Variants in SYNE1 observed in about 807,000 individuals in gnomAD.
SYNE1 encodes nesprin-1.
SYNE1 carries 616 observed loss-of-function variants against 1,111.0 expected under a neutral mutation model. That is an observed-to-expected ratio of 0.55 (90% confidence interval 0.52 to 0.59). The LOEUF (loss-of-function observed/expected upper bound fraction) is 0.59, where lower values mean the gene tolerates loss of function less well. Ranked by LOEUF, SYNE1 falls within the 20% of genes least tolerant of loss-of-function variation. The probability of loss-of-function intolerance (pLI) is 0.00; values close to 1 mark genes in which losing one functional copy is unlikely to be tolerated. For missense variants in SYNE1, 10,006 were observed against 10,417.0 expected (o/e 0.96, Z 1.72); for synonymous variants, 3,855 against 3,825.8 (o/e 1.01, Z -0.28).
chr6:152,636,562 G>A (rs1349458103), intron 2 of SYNE1, 76 bp downstream of exon 2: 1 of 153,016 alleles, frequency 6.5e-6, no homozygotes, highest in Non-Finnish European at 1.5e-5. Flanking sequence ...TGTCTGCAAT[G>A]TGTTCGTCTT....
intron 145 of SYNE1, chr6:152,129,071 C>T (rs1323799525): frequency 6.6e-6 from 1 of 152,274 alleles, no homozygotes; most frequent in Non-Finnish European, 1.5e-5. Context: ...TGAAAGGCGC[C>T]TTGCGAGTGT....
At chr6:152,165,902 T>C (rs2063552893) in intron 130 of SYNE1, among the ~76,000 whole-genome samples, 1 of 152,248 alleles carries the variant, frequency 6.6e-6, no homozygotes, top group African/African-American at 2.4e-5. Context: ...CATGGAATTT[T>C]ACATGGCTCT....
chr6:152,131,365 T>C (rs2055593169), intron 144 of SYNE1, among the ~76,000 whole-genome samples: 1 of 151,030 alleles, frequency 6.6e-6, no homozygotes, highest in African/African-American at 2.4e-5. Flanking sequence ...AGATAATACA[T>C]TTATCAGCAT....
At chr6:152,372,283 A>G (rs757211008) in intron 59 of SYNE1, among the ~76,000 whole-genome samples, 11 of 152,198 alleles carry the variant, frequency 7.2e-5, no homozygotes, top group Non-Finnish European at 1.5e-4. Flanking sequence ...AACAGAGATC[A>G]ATGGTCTTGG....
intron 3 of SYNE1, among the ~76,000 whole-genome samples, chr6:152,607,482 C>T (rs1025134274): frequency 2.6e-5 from 4 of 151,808 alleles, no homozygotes; most frequent in Non-Finnish European, 5.9e-5. Flanking sequence ...AAATCAAAAA[C>T]ACAATGAGAT....
At chr6:152,279,716 C>CA (rs71017531) in intron 97 of SYNE1, among the ~76,000 whole-genome samples, 11,135 of 62,448 alleles carry the variant, frequency 0.18, 768 homozygotes, top group African/African-American at 0.25. Flanking sequence ...GACCTTGTCT[C>CA]AAAAAAAAAA....
At chr6:152,569,685 C>G (rs893835046) in intron 3 of SYNE1, among the ~76,000 whole-genome samples, 17 of 152,058 alleles carry the variant, frequency 1.1e-4, no homozygotes, top group Non-Finnish European at 2.2e-4. Flanking sequence ...CAAGCTGCAT[C>G]CAAAATACTC....
At chr6:152,140,958 C>T (rs1280297288) in intron 139 of SYNE1, among the ~76,000 whole-genome samples, 4 of 152,134 alleles carry the variant, frequency 2.6e-5, no homozygotes, top group Admixed American at 6.5e-5. Context: ...TGCCATGAAC[C>T]TGGGAGGCGG....
At chr6:152,169,786 C>G (rs998510753) in intron 130 of SYNE1, among the ~76,000 whole-genome samples, 1 of 148,988 alleles carries the variant, frequency 6.7e-6, no homozygotes, top group Non-Finnish European at 1.5e-5. Flanking sequence ...GGTGACAGCG[C>G]AAACCCAATC....
intron 127 of SYNE1, among the ~76,000 whole-genome samples, chr6:152,199,712 A>G (rs1421566054): frequency 2.0e-5 from 3 of 152,160 alleles, no homozygotes; most frequent in African/African-American, 7.2e-5. Context: ...AAAGGTTTCC[A>G]AAGGCAATGG....
chr6:152,595,733 C>A (rs1219934759), intron 3 of SYNE1, among the ~76,000 whole-genome samples: 3 of 152,106 alleles, frequency 2.0e-5, no homozygotes, highest in Admixed American at 6.6e-5. Flanking sequence ...CTAGTGGGAA[C>A]TCTGGAAACT....
At chr6:152,443,422 G>A (rs573749514) in intron 30 of SYNE1, among the ~76,000 whole-genome samples, 3 of 152,000 alleles carry the variant, frequency 2.0e-5, no homozygotes, top group Non-Finnish European at 2.9e-5. Flanking sequence ...CCACCACCAC[G>A]CTCGGCTAAT....
chr6:152,483,902 C>G (rs561642097), intron 13 of SYNE1, among the ~76,000 whole-genome samples: 1 of 105,540 alleles, frequency 9.5e-6, no homozygotes, highest in African/African-American at 5.2e-5. Flanking sequence ...AAAAATGAGA[C>G]TATCAAAAAA....
chr6:152,309,418 AT>A (rs543267460), intron 90 of SYNE1, among the ~76,000 whole-genome samples: 18 of 152,220 alleles, frequency 1.2e-4, no homozygotes, highest in African/African-American at 4.1e-4. Flanking sequence ...ACTTGAGTGC[AT>A]TTTTTTAGGC....
At chr6:152,140,996 C>G (rs1230815882) in intron 139 of SYNE1, among the ~76,000 whole-genome samples, 1 of 152,120 alleles carries the variant, frequency 6.6e-6, no homozygotes, top group Non-Finnish European at 1.5e-5. Context: ...GATAGCGCCA[C>G]TGCACTCCAG....
Position 152,471,681 on chromosome 6 carries a change from C to G in SYNE1, c.1548G>C (p.Leu516=). ...ACTTCAGCTTTGACTCTGCAAGAAC[C>G]AGCAGTGAGAGCAGACGGTACTTTA... ...LELKYRLLSL[L]VLAESKLKSW... The change falls in exon 16 of 146, where the codon CTG becomes CTC. Residue 516 remains leucine, a synonymous_variant. Coordinates refer to ENST00000367255, the MANE Select transcript of SYNE1 (RefSeq NM_182961.4). 6.2e-7 allele frequency: 1 copy of G among 1,614,018 alleles called. No homozygotes were observed. Among genetic ancestry groups the G allele is most frequent in the Non-Finnish European group, 8.5e-7 (1 of 1,179,890 alleles).
At position 152,397,215 on chromosome 6, in the gene SYNE1, G is replaced by A. The variant is rs79337015; in HGVS notation, c.7351-235C>T. ...ACAAGGCTGAGCTGGAACCGAGGACGTTCTCACCAAGGTCTTGTTCTCAGT... is the reference window on the plus strand; with the variant it reads ...ACAAGGCTGAGCTGGAACCGAGGACATTCTCACCAAGGTCTTGTTCTCAGT... On this transcript the variant is annotated intron_variant, in intron 49 of 145. Transcript: ENST00000367255. Among the ~76,000 whole-genome samples, 170 of 152,246 alleles carry A rather than the reference G, an allele frequency of 1.1e-3. 6 individuals carry two copies. In the East Asian group the frequency reaches 0.031, roughly 28 times the overall value.
At chr6:152,366,394 G>T (rs1462771869) in intron 62 of SYNE1, among the ~76,000 whole-genome samples, 1 of 151,996 alleles carries the variant, frequency 6.6e-6, no homozygotes, top group Non-Finnish European at 1.5e-5. Context: ...GGGCGCAGTG[G>T]CTCACACCTG....
At chr6:152,535,852 A>T (rs945329868) in intron 4 of SYNE1, among the ~76,000 whole-genome samples, 6 of 152,190 alleles carry the variant, frequency 3.9e-5, no homozygotes, top group African/African-American at 1.4e-4. Context: ...ATTTTTTAAG[A>T]TATATTTTAA....
Sources: gnomAD v4.1 joint callset for allele counts (sites outside exome capture counted in the v4.1 genomes callset) on GRCh38, gnomAD v4.1.1 for gene constraint, MANE v1.5 for transcripts, NCBI Gene and HGNC (gene_info 2026-07-23, HGNC 2026-07-21) for gene names.